Variants in RBMS1 observed in about 807,000 individuals in gnomAD.
RBMS1 encodes RNA binding motif single stranded interacting protein 1.
A neutral mutation model predicts 62.3 loss-of-function variants in RBMS1; 17 were observed. The observed-to-expected ratio is 0.27, with a 90% CI of 0.19 to 0.41. The LOEUF (loss-of-function observed/expected upper bound fraction) is 0.41, where lower values mean the gene tolerates loss of function less well. RBMS1 is among the 10% of genes least tolerant of loss of function. RBMS1 has a pLI of 1.00. For missense variants in RBMS1, 334 were observed against 504.5 expected, an observed-to-expected ratio of 0.66 and a Z score of 3.24; for synonymous variants, 172 against 170.0, an observed-to-expected ratio of 1.01 and a Z score of -0.09.
At chr2:160,383,110 T>G (rs762938211) in intron 1 of RBMS1, among the ~76,000 whole-genome samples, 4 of 152,160 alleles carry the variant, frequency 2.6e-5, no homozygotes, top group Non-Finnish European at 5.9e-5. Context: ...ACTGGGTAGA[T>G]TAAAACAACA....
intron 1 of RBMS1, among the ~76,000 whole-genome samples, chr2:160,424,482 TGAGTGAAAATACTCTCAAATGCATTTGG>T (rs1696566917): frequency 6.6e-6 from 1 of 152,160 alleles, no homozygotes; most frequent in Admixed American, 6.5e-5. Context: ...TTTTCTCTCA[TGAGTGAAAATACTCTCAAATGCATTTGG>T]GACTGCTGGT....
intron 2 of RBMS1, among the ~76,000 whole-genome samples, chr2:160,345,171 G>A (rs1229782043): frequency 6.6e-6 from 1 of 152,094 alleles, no homozygotes; most frequent in Non-Finnish European, 1.5e-5. Flanking sequence ...GCTAAGTAGA[G>A]TAACTCAGAG....
At chr2:160,475,044 A>T (rs1685068279) in intron 1 of RBMS1, among the ~76,000 whole-genome samples, 1 of 152,190 alleles carries the variant, frequency 6.6e-6, no homozygotes, top group African/African-American at 2.4e-5. Context: ...TAATTTTCTT[A>T]GAAAGTTTCC....
intron 1 of RBMS1, among the ~76,000 whole-genome samples, chr2:160,382,244 G>C (rs1287608871): frequency 6.6e-6 from 1 of 152,210 alleles, no homozygotes; most frequent in Non-Finnish European, 1.5e-5. Flanking sequence ...AAGTATCTTA[G>C]AAAGGAGTCT....
At chr2:160,437,703 T>C (rs921470337) in intron 1 of RBMS1, among the ~76,000 whole-genome samples, 1 of 152,352 alleles carries the variant, frequency 6.6e-6, no homozygotes, top group South Asian at 2.1e-4. Context: ...ATAACATAGA[T>C]GTTCAAATTC....
intron 2 of RBMS1, among the ~76,000 whole-genome samples, chr2:160,354,516 T>G (rs1408756426): frequency 6.6e-6 from 1 of 152,124 alleles, no homozygotes; most frequent in East Asian, 1.9e-4. Context: ...GGAAGCCCAC[T>G]TGGAAAGCAT....
intron 1 of RBMS1, among the ~76,000 whole-genome samples, chr2:160,385,977 C>G (rs915019794): frequency 1.3e-5 from 2 of 152,144 alleles, no homozygotes; most frequent in Non-Finnish European, 2.9e-5. Flanking sequence ...TTTCTACACA[C>G]AAAAACATGT....
chr2:160,326,266 G>T (rs1036582913), intron 2 of RBMS1, among the ~76,000 whole-genome samples: 1 of 152,124 alleles, frequency 6.6e-6, no homozygotes, highest in African/African-American at 2.4e-5. Flanking sequence ...CCCTTTCAAG[G>T]CCTGTGAAAA....
At chr2:160,368,548 C>T (rs1693540349) in intron 1 of RBMS1, among the ~76,000 whole-genome samples, 1 of 152,198 alleles carries the variant, frequency 6.6e-6, no homozygotes, top group Non-Finnish European at 1.5e-5. Context: ...ACCTCCGTTG[C>T]CCACTATAGA....
chr2:160,336,217 T>C lies in RBMS1; in HGVS notation c.252-17990A>G, dbSNP rs139846997. On this transcript the variant is annotated intron_variant, in intron 2 of 13. Coordinates refer to ENST00000348849, the MANE Select transcript of RBMS1 (RefSeq NM_016836.4). The stretch of plus-strand genomic sequence containing the variant: ...TTATACCCAGAGTGCAGTTTGGCAA[T>C]CTGCAGCAAAAGCTAAGTCATTTCT... Among the ~76,000 whole-genome samples, 507 of 152,330 alleles carry C rather than the reference T, an allele frequency of 3.3e-3. 2 individuals are homozygous for C. Among genetic ancestry groups the C allele is most frequent in the African/African-American group, 0.012 (488 of 41,588 alleles).
At chr2:160,284,902 C>T in intron 8 of RBMS1, 34 bp from the exon 9 acceptor site, 3 of 1,568,494 alleles carry the variant, frequency 1.9e-6, no homozygotes, top group Non-Finnish European at 2.6e-6. Context: ...ATTAAGTAAT[C>T]CTTTAAATAG....
chr2:160,399,007 C>T (rs1695300551), intron 1 of RBMS1, among the ~76,000 whole-genome samples: 1 of 152,146 alleles, frequency 6.6e-6, no homozygotes, highest in South Asian at 2.1e-4. Context: ...CAAGCTTGCT[C>T]CTATTGACCT....
intron 2 of RBMS1, among the ~76,000 whole-genome samples, chr2:160,324,905 T>TATAC (rs1365289943): frequency 8.4e-6 from 1 of 118,692 alleles, no homozygotes; most frequent in African/African-American, 3.6e-5. Context: ...TATATATATA[T>TATAC]ATACACACAC....
chr2:160,450,563 TGAAAAA>T (rs1683929904), intron 1 of RBMS1, among the ~76,000 whole-genome samples: 1 of 122,392 alleles, frequency 8.2e-6, no homozygotes, highest in Non-Finnish European at 1.6e-5. Flanking sequence ...AAATAAAAAA[TGAAAAA>T]AAAAAAAAAA....
At chr2:160,315,282 T>G (rs918513780) in intron 3 of RBMS1, among the ~76,000 whole-genome samples, 10 of 152,210 alleles carry the variant, frequency 6.6e-5, no homozygotes, top group African/African-American at 2.4e-4. Context: ...CCTTGTGCTC[T>G]TTCATGCTGT....
At chr2:160,344,470 G>GT (rs1350014352) in intron 2 of RBMS1, among the ~76,000 whole-genome samples, 4 of 151,866 alleles carry the variant, frequency 2.6e-5, no homozygotes, top group Non-Finnish European at 5.9e-5. Flanking sequence ...TTTTTCTTTT[G>GT]TTTTTTGTTG....
chr2:160,283,290 CCT>C (rs1688195327), intron 9 of RBMS1: 1 of 152,182 alleles, frequency 6.6e-6, no homozygotes, highest in Admixed American at 6.5e-5. Flanking sequence ...AGAAAGACTA[CCT>C]TTTCATAGCA....
chr2:160,407,855 G>A lies in RBMS1; in HGVS notation c.76-40464C>T, dbSNP rs902250003. 2,473 of 981,372 alleles carry A rather than the reference G, an allele frequency of 2.5e-3. 6 individuals carry two copies. Among genetic ancestry groups the A allele is most frequent in the Non-Finnish European group, 2.8e-3 (2,351 of 828,470 alleles). The allele number at this position is 981,372 out of a possible 1,614,324, so 60.8% of individuals were successfully genotyped here. A position where few individuals can be genotyped will look rare whatever the true frequency, so the allele number is the denominator to read the frequency against. On this transcript the variant is annotated intron_variant, in intron 1 of 13. Coordinates refer to ENST00000348849, the MANE Select transcript of RBMS1 (RefSeq NM_016836.4). Reference sequence around the variant, plus strand: ...CGCCGACTCTCCCGGCGGCAGCGGAGGAGCAGCGCCGCCGCGTCCCCACCT... The same window carrying A: ...CGCCGACTCTCCCGGCGGCAGCGGAAGAGCAGCGCCGCCGCGTCCCCACCT...
At chr2:160,282,215 A>G (rs762356267) in intron 9 of RBMS1, 2 of 1,357,542 alleles carry the variant, frequency 1.5e-6, no homozygotes, top group East Asian at 9.1e-5. Flanking sequence ...AACAGAGAGG[A>G]TATGGGGAAG....
Sources: allele counts gnomAD v4.1 joint callset (sites outside exome capture counted in the v4.1 genomes callset), GRCh38; gene constraint gnomAD v4.1.1; transcripts MANE v1.5; gene names NCBI Gene and HGNC (gene_info 2026-07-23, HGNC 2026-07-21).